Variants in DRD2 observed in about 807,000 individuals in gnomAD.
DRD2 encodes D(2) dopamine receptor.
Under a neutral mutation model 38.0 loss-of-function variants are expected in DRD2, and 8 were observed. The ratio of observed to expected loss-of-function variants is 0.21; its 90% CI spans 0.12 to 0.38. The LOEUF (loss-of-function observed/expected upper bound fraction) is 0.38. Ranked by LOEUF, DRD2 falls within the 10% of genes least tolerant of loss-of-function variation. The pLI is 1.00. For missense variants in DRD2, 403 were observed against 607.7 expected (o/e 0.66, Z 3.54); for synonymous variants, 230 against 238.6 (o/e 0.96, Z 0.33).
At position 113,409,964 on chromosome 11, in the gene DRD2, T is replaced by C. The variant is rs1014786669; in HGVS notation, c.*763A>G. On this transcript the variant is annotated 3_prime_UTR_variant, in exon 8 of 8. Transcript: ENST00000362072. ...AGGCCCCAGGCTGGCCAGCATGTGC[T>C]GTGAGAAGGGATACATTGCAGGGCC... is the stretch of plus-strand genomic sequence containing the variant. 6.5e-6 allele frequency: 1 copy of C among 152,714 alleles called. No homozygotes were observed. Among genetic ancestry groups the C allele is most frequent in the Non-Finnish European group, 1.5e-5 (1 of 68,452 alleles). 9.5% of individuals were successfully genotyped at this position (152,714 alleles called of 1,614,324 possible). A position where few individuals can be genotyped will look rare whatever the true frequency, so the allele number is the denominator to read the frequency against.
At chr11:113,438,258 G>A (rs559304005) in intron 1 of DRD2, among the ~76,000 whole-genome samples, 31 of 152,140 alleles carry the variant, frequency 2.0e-4, no homozygotes, top group African/African-American at 6.0e-4. Context: ...GTAGCAGTAT[G>A]GCCTTGACAA....
intron 1 of DRD2, among the ~76,000 whole-genome samples, chr11:113,428,066 C>T (rs550597572): frequency 7.2e-5 from 11 of 152,140 alleles, no homozygotes; most frequent in Non-Finnish European, 1.5e-4. Context: ...TGATCTGGGA[C>T]GTCCCAGCCT....
At chr11:113,416,107 C>T (rs2734837) in intron 4 of DRD2, among the ~76,000 whole-genome samples, 73,028 of 152,088 alleles carry the variant, frequency 0.48, 19,168 homozygotes, top group Non-Finnish European at 0.6. Flanking sequence ...GTCTACCAGA[C>T]GCCTGTCCTC....
chr11:113,420,949 A>C (rs896765528), intron 2 of DRD2, among the ~76,000 whole-genome samples: 1 of 152,206 alleles, frequency 6.6e-6, no homozygotes, highest in Admixed American at 6.5e-5. Flanking sequence ...TGAGACCTGC[A>C]GTACAGGCCC....
Position 113,424,329 on chromosome 11 carries a change from C to G in DRD2, c.285+38G>C, listed in dbSNP as rs750385510. The G allele has an allele frequency of 5.0e-6, 8 of 1,607,170 alleles. No homozygotes were observed. The South Asian group carries it at 7.8e-5, about 16-fold the overall frequency. On this transcript the variant is annotated intron_variant, in intron 2 of 7. Coordinates refer to ENST00000362072, the MANE Select transcript of DRD2 (RefSeq NM_000795.4). ...CCCCAGTGTCCAGTGCAGGGCCCTG[C>G]TGGAGAAAGTGCTGGAGCAAGCAGG...
intron 6 of DRD2, 105 bp from the exon 7 acceptor site, chr11:113,412,988 C>T: frequency 7.8e-7 from 1 of 1,286,114 alleles, no homozygotes; most frequent in Non-Finnish European, 1.1e-6. Flanking sequence ...CTCCTGCAAA[C>T]ACCACAGGGT....
At chr11:113,442,154 T>G (rs562709421) in intron 1 of DRD2, among the ~76,000 whole-genome samples, 5 of 152,176 alleles carry the variant, frequency 3.3e-5, no homozygotes, top group Non-Finnish European at 5.9e-5. Context: ...AGCTTGGAAG[T>G]GGCCAGACCC....
intron 1 of DRD2, among the ~76,000 whole-genome samples, chr11:113,458,582 G>A (rs1178372220): frequency 6.6e-6 from 1 of 152,302 alleles, no homozygotes; most frequent in East Asian, 1.9e-4. Context: ...TGATCTGGGG[G>A]AAAAAATGCT....
chr11:113,418,506 T>C (rs1469490149), intron 2 of DRD2, among the ~76,000 whole-genome samples: 1 of 152,190 alleles, frequency 6.6e-6, no homozygotes, highest in Non-Finnish European at 1.5e-5. Context: ...ATATTGACTA[T>C]ATTTTTCTAT....
chr11:113,424,668 C>G lies in DRD2; in HGVS notation c.-17G>C, dbSNP rs1950922240. Reference sequence around the variant, plus strand: ...TGGATCCATCAGGGCGGTGGAGCCACTGGGTGGCCAGGCTCTGGCCAGGAA... The same window carrying G: ...TGGATCCATCAGGGCGGTGGAGCCAGTGGGTGGCCAGGCTCTGGCCAGGAA... On this transcript the variant is annotated 5_prime_UTR_variant, in exon 2 of 8. Coordinates refer to ENST00000362072, the MANE Select transcript of DRD2 (RefSeq NM_000795.4). 1 of 1,613,830 alleles carries G rather than the reference C, an allele frequency of 6.2e-7. No individual in the cohort carries two copies. Among genetic ancestry groups the G allele is most frequent in the Non-Finnish European group, 8.5e-7 (1 of 1,180,034 alleles).
intron 1 of DRD2, among the ~76,000 whole-genome samples, chr11:113,467,038 C>T (rs1951376558): frequency 6.6e-6 from 1 of 152,100 alleles, no homozygotes; most frequent in Non-Finnish European, 1.5e-5. Context: ...CATGGATCCA[C>T]CGTGGTGCGG....
rs1210531875 is a variant in DRD2 at position 113,452,469 on chromosome 11, T to TGTGTGTGC, written c.-32+22606_-32+22607insGCACACAC. ...GTGTGTGTGTGTGTGTGTGTGTGTG[T>TGTGTGTGC]GCGCGCGCGCGCGCGCGCACATTGG... is the stretch of plus-strand genomic sequence containing the variant. On this transcript the variant is annotated intron_variant, in intron 1 of 7. Coordinates refer to ENST00000362072, the MANE Select transcript of DRD2 (RefSeq NM_000795.4). 2.3e-3 allele frequency among the ~76,000 whole-genome samples: 273 copies of TGTGTGTGC among 118,814 alleles called. 2 individuals are homozygous for TGTGTGTGC. The highest frequency in any genetic ancestry group is 4.3e-3 in the African/African-American group (119 of 27,740). 77.9% of individuals were successfully genotyped at this position (118,814 alleles called of 152,430 possible). A position where few individuals can be genotyped will look rare whatever the true frequency, so the allele number is the denominator to read the frequency against.
chr11:113,464,403 T>C (rs766285108), intron 1 of DRD2, among the ~76,000 whole-genome samples: 18 of 152,252 alleles, frequency 1.2e-4, no homozygotes, highest in Non-Finnish European at 2.4e-4. Flanking sequence ...CCACCAACCA[T>C]TTATGCCCAC....
chr11:113,460,441 C>T (rs1349030392), intron 1 of DRD2, among the ~76,000 whole-genome samples: 2 of 152,242 alleles, frequency 1.3e-5, no homozygotes, highest in Admixed American at 6.5e-5. Flanking sequence ...TAGGGAGACA[C>T]TCGAGCTGCC....
intron 1 of DRD2, among the ~76,000 whole-genome samples, chr11:113,445,256 C>A (rs1339779416): frequency 3.9e-5 from 6 of 152,160 alleles, no homozygotes; most frequent in African/African-American, 1.4e-4. Context: ...GAAAAACTGG[C>A]AAAATGCAAA....
chr11:113,461,843 C>G (rs1407794470), intron 1 of DRD2, among the ~76,000 whole-genome samples: 1 of 152,138 alleles, frequency 6.6e-6, no homozygotes, highest in Non-Finnish European at 1.5e-5. Context: ...TCACGGGGAG[C>G]AATTCCTGAG....
chr11:113,414,057 C>T (rs939624248), intron 6 of DRD2: 8 of 388,118 alleles, frequency 2.1e-5, no homozygotes, highest in African/African-American at 8.3e-5. Flanking sequence ...ACTTACCTCC[C>T]GGGGTCGTGG....
chr11:113,458,782 G>A (rs182038742), intron 1 of DRD2, among the ~76,000 whole-genome samples: 280 of 152,144 alleles, frequency 1.8e-3, no homozygotes, highest in African/African-American at 6.4e-3. Context: ...CTAAAATTTT[G>A]GAATATATTC....
intron 1 of DRD2, among the ~76,000 whole-genome samples, chr11:113,465,248 G>A (rs1377412446): frequency 6.6e-6 from 1 of 152,064 alleles, no homozygotes; most frequent in Non-Finnish European, 1.5e-5. Flanking sequence ...TTACAGGTGT[G>A]AGCCACCACA....
Sources: gnomAD v4.1 joint callset for allele counts (sites outside exome capture counted in the v4.1 genomes callset) on GRCh38, gnomAD v4.1.1 for gene constraint, MANE v1.5 for transcripts, NCBI Gene and HGNC (gene_info 2026-07-23, HGNC 2026-07-21) for gene names.